Variants in MEGF10 observed in about 807,000 individuals in gnomAD.
MEGF10 encodes multiple epidermal growth factor-like domains protein 10.
Under a neutral mutation model 147.5 loss-of-function variants are expected in MEGF10, and 86 were observed. The observed-to-expected ratio is 0.58, with a 90% confidence interval of 0.49 to 0.70. The LOEUF (loss-of-function observed/expected upper bound fraction) is 0.70. Among genes scored for constraint, MEGF10 ranks in the 30% least tolerant of loss-of-function variants. The probability of loss-of-function intolerance (pLI) is 0.00; values close to 1 mark genes in which losing one functional copy is unlikely to be tolerated. For missense variants in MEGF10, 1,329 were observed against 1,487.3 expected (o/e 0.89, Z 1.75); for synonymous variants, 478 against 525.5 (o/e 0.91, Z 1.24).
intron 4 of MEGF10, among the ~76,000 whole-genome samples, chr5:127,345,359 T>C (rs1761845268): frequency 6.6e-6 from 1 of 152,154 alleles, no homozygotes; most frequent in Non-Finnish European, 1.5e-5. Flanking sequence ...ACCCTCAGGC[T>C]GTGTGGAACT....
At chr5:127,444,795 A>T (rs1164122148) in intron 19 of MEGF10, 2 of 152,620 alleles carry the variant, frequency 1.3e-5, no homozygotes, top group African/African-American at 4.8e-5. Flanking sequence ...GAGGTAAAAG[A>T]CCCATTGAAA....
intron 13 of MEGF10, among the ~76,000 whole-genome samples, chr5:127,433,042 A>G (rs957769470): frequency 3.3e-5 from 5 of 152,212 alleles, no homozygotes; most frequent in Admixed American, 1.3e-4. Context: ...CAAGGGCTAA[A>G]AGATATCGTA....
At chr5:127,410,917 C>T (rs1000071950) in intron 9 of MEGF10, among the ~76,000 whole-genome samples, 3 of 152,058 alleles carry the variant, frequency 2.0e-5, no homozygotes, top group African/African-American at 7.3e-5. Context: ...TGTGACATTC[C>T]CTTAGAAGCA....
At chr5:127,358,813 G>C (rs1762369150) in intron 4 of MEGF10, among the ~76,000 whole-genome samples, 1 of 152,152 alleles carries the variant, frequency 6.6e-6, no homozygotes, top group Non-Finnish European at 1.5e-5. Context: ...TTCCAGTGCT[G>C]GTTAACATTT....
intron 1 of MEGF10, among the ~76,000 whole-genome samples, chr5:127,294,000 G>A (rs994746830): frequency 2.0e-5 from 3 of 151,838 alleles, no homozygotes; most frequent in African/African-American, 7.2e-5. Context: ...TCAAGAATAC[G>A]CTGTGCACTT....
intron 22 of MEGF10, among the ~76,000 whole-genome samples, chr5:127,453,855 C>G (rs1181999876): frequency 2.6e-5 from 4 of 152,152 alleles, no homozygotes; most frequent in African/African-American, 9.7e-5. Context: ...TGCTTGTGAC[C>G]TGATTGATTT....
At chr5:127,251,608 C>G in the MEGF10 span, among the ~76,000 whole-genome samples, 1 of 151,896 alleles carries the variant, frequency 6.6e-6, no homozygotes, top group Non-Finnish European at 1.5e-5. Flanking sequence ...CAAAGCAATA[C>G]AGTTAGGGGT....
intron 4 of MEGF10, among the ~76,000 whole-genome samples, chr5:127,357,495 G>A (rs553597622): frequency 6.6e-6 from 1 of 151,824 alleles, no homozygotes; most frequent in Non-Finnish European, 1.5e-5. Flanking sequence ...GACTGAGGTG[G>A]GAGGATCACT....
chr5:127,252,219 A>G, the MEGF10 span, among the ~76,000 whole-genome samples: 1 of 151,888 alleles, frequency 6.6e-6, no homozygotes, highest in Admixed American at 6.6e-5. Flanking sequence ...ACTATCTATT[A>G]AGATTAAAAC....
rs1765993933 is a variant in MEGF10 at position 127,447,557 on chromosome 5, G to C, written c.2729G>C (p.Gly910Ala). Residue 910 changes from glycine (G) to alanine (A), a missense_variant and splice_region_variant, in exon 21 of 25, where the codon GGA (glycine) becomes GCA (alanine). By Grantham distance (60) the Gly-to-Ala change is moderately conservative. This residue lies in a region of MEGF10 where 343 missense variants were observed against 377.9 expected (regional missense o/e 0.91). Transcript: ENST00000503335. The stretch of plus-strand genomic sequence containing the variant: ...TAACCATTTCCTTCCCTTCTTGCAG[G>C]AACCCTTCCTCACAGCAATGGTGGA... The part of the protein sequence containing the change: ...RVVNADYTIS[G>A]TLPHSNGGNA... 1 of 1,613,990 alleles carries C rather than the reference G, an allele frequency of 6.2e-7. No individual in the cohort carries two copies. Among genetic ancestry groups the C allele is most frequent in the East Asian group, 2.2e-5 (1 of 44,876 alleles).
chr5:127,428,284 C>G (rs974223767), intron 13 of MEGF10, among the ~76,000 whole-genome samples: 1 of 151,336 alleles, frequency 6.6e-6, no homozygotes, highest in African/African-American at 2.4e-5. Flanking sequence ...CCATAGTATC[C>G]AAATAGAAAG....
chr5:127,331,273 A>T lies in MEGF10; in HGVS notation c.-18-18A>T, dbSNP rs747498843. On this transcript the variant is annotated intron_variant, in intron 1 of 24. Transcript: ENST00000503335. ...TCATTTCAATGCATTTCTAATTGGG[A>T]TTTTTTCTTTCTTGTAGGTTGTTCT... is the stretch of plus-strand genomic sequence containing the variant. The T allele has an allele frequency of 7.5e-7, 1 of 1,335,976 alleles. No homozygotes were observed. Among genetic ancestry groups the T allele is most frequent in the East Asian group, 2.3e-5 (1 of 43,472 alleles). 82.8% of individuals were successfully genotyped at this position (1,335,976 alleles called of 1,614,324 possible).
chr5:127,435,459 C>T lies in MEGF10; in HGVS notation c.2074C>T (p.Pro692Ser). ...NPIDRSCQCYPGWIGSDCSQP... is the reference protein window; with the variant it reads ...NPIDRSCQCYSGWIGSDCSQP... ...CATTGACAGATCTTGTCAGTGTTAC[C>T]CCGGTTGGATTGGCAGTGACTGCTC... is the stretch of plus-strand genomic sequence containing the variant. Residue 692 changes from proline to serine, a missense_variant, in exon 16 of 25, where the codon CCC becomes TCC. Physicochemically the swap from Pro to Ser is moderately conservative, Grantham distance 74. This residue lies in a region of MEGF10 where 980 missense variants were observed against 1,085.9 expected (regional missense o/e 0.90). Coordinates refer to ENST00000503335, the MANE Select transcript of MEGF10 (RefSeq NM_001256545.2). 3.1e-6 allele frequency: 5 copies of T among 1,613,804 alleles called. No individual in the cohort carries two copies. The highest frequency in any genetic ancestry group is 4.2e-6 in the Non-Finnish European group (5 of 1,179,878).
chr5:127,419,120 G>A lies in MEGF10; in HGVS notation c.1306G>A (p.Gly436Arg). The change falls in exon 11 of 25, where the codon GGA becomes AGA. Residue 436 changes from glycine (G) to arginine (R), a missense_variant and splice_region_variant. Around this residue, in one of 3 missense-constraint regions of MEGF10, gnomAD observed 980 missense variants for 1,085.9 expected, o/e 0.90. Transcript: ENST00000503335. ...GKCTCAPGFK[G>R]IDCSTPCPLG... ...CATTTTGCTACTTGTGCCTGTCTAG[G>A]GAATTGACTGCTCTACCCCATGCCC... 1 of 1,604,170 alleles carries A rather than the reference G, an allele frequency of 6.2e-7. No individual in the cohort carries two copies. Among genetic ancestry groups the A allele is most frequent in the African/African-American group, 1.3e-5 (1 of 74,462 alleles).
the MEGF10 span, among the ~76,000 whole-genome samples, chr5:127,230,930 A>G: frequency 6.6e-6 from 1 of 152,136 alleles, no homozygotes; most frequent in Non-Finnish European, 1.5e-5. Context: ...AAGAGGCAAA[A>G]TTGCCCAGAG....
In MEGF10 at chr5:127,440,742, G is replaced by A; in HGVS notation, c.2237G>A (p.Cys746Tyr). Residue 746 changes from cysteine to tyrosine, a missense_variant, in exon 18 of 25, where the codon TGT (cysteine) becomes TAT (tyrosine). This residue lies in a region of MEGF10 where 980 missense variants were observed against 1,085.9 expected (regional missense o/e 0.90). Coordinates refer to ENST00000503335, the MANE Select transcript of MEGF10 (RefSeq NM_001256545.2). ...ACTGTCCTCCCTCCTCCCACAGGATGTCCTCTAGGGTTTTATGGAAAAGAT... is the reference window on the plus strand; with the variant it reads ...ACTGTCCTCCCTCCTCCCACAGGATATCCTCTAGGGTTTTATGGAAAAGAT... ...GWTGLYCTQR[C>Y]PLGFYGKDCA... 1 of 1,613,914 alleles carries A rather than the reference G, an allele frequency of 6.2e-7. No homozygotes were observed.
At chr5:127,273,078 C>G in the MEGF10 span, among the ~76,000 whole-genome samples, 1 of 152,160 alleles carries the variant, frequency 6.6e-6, no homozygotes, top group African/African-American at 2.4e-5. Context: ...TGTTGGGGAT[C>G]CTGGGGCTGG....
At chr5:127,368,476 C>A (rs368682475) in intron 4 of MEGF10, among the ~76,000 whole-genome samples, 1 of 152,148 alleles carries the variant, frequency 6.6e-6, no homozygotes, top group Non-Finnish European at 1.5e-5. Flanking sequence ...CAAATGTATA[C>A]TTTTCATTAA....
chr5:127,384,701 G>A (rs1176942843), intron 5 of MEGF10, among the ~76,000 whole-genome samples: 1 of 152,206 alleles, frequency 6.6e-6, no homozygotes, highest in Non-Finnish European at 1.5e-5. Flanking sequence ...AAACAGCACT[G>A]GGTGGTTGTC....
Sources: allele counts gnomAD v4.1 joint callset (sites outside exome capture counted in the v4.1 genomes callset), GRCh38; gene constraint gnomAD v4.1.1; regional missense constraint gnomAD v4.1.1; transcripts MANE v1.5; gene names NCBI Gene and HGNC (gene_info 2026-07-23, HGNC 2026-07-21).